DMD: variants seen among roughly 807,000 people sequenced by gnomAD.
DMD encodes the protein dystrophin.
In DMD, 63 loss-of-function variants were observed where a neutral mutation model predicts 330.1. That is an observed-to-expected ratio of 0.19 (90% CI 0.16 to 0.24). The LOEUF is 0.24. Among genes scored for constraint, DMD ranks in the 10% least tolerant of loss-of-function variants. The pLI is 1.00. For synonymous variants in DMD, 1,223 were observed against 959.8 expected (o/e 1.27, Z -5.07); for missense variants, 3,344 against 2,684.1 (o/e 1.25, Z -5.43).
rs190277617 is a variant in DMD at position 32,627,319 on chromosome X, G to A, written c.1332-12866C>T. Among the ~76,000 whole-genome samples, 145 of 103,264 alleles carry A rather than the reference G, an allele frequency of 1.4e-3. 21 individuals carry two copies. The highest frequency in any genetic ancestry group is 5.1e-3 in the African/African-American group (124 of 24,131). 89.7% of individuals were successfully genotyped at this position (103,264 alleles called of 115,157 possible). A position where few individuals can be genotyped will look rare whatever the true frequency, so the allele number is the denominator to read the frequency against. ...AAAGGATCAGGATGCACAAACATGC[G>A]TTTACTTATTTATAAATGACTTCCA... On this transcript the variant is annotated intron_variant, in intron 11 of 78. Transcript: ENST00000357033.
At chrX:33,129,330 T>TTTA (rs1309488624) in intron 1 of DMD, among the ~76,000 whole-genome samples, 1 of 73,054 alleles carries the variant, frequency 1.4e-5, no homozygotes, top group African/African-American at 5.1e-5. Flanking sequence ...GTTTGCTTTT[T>TTTA]TTTTTTTTTT....
At chrX:32,640,798 G>A (rs983404252) in intron 11 of DMD, among the ~76,000 whole-genome samples, 1 of 111,183 alleles carries the variant, frequency 9.0e-6, no homozygotes, top group African/African-American at 3.3e-5. Context: ...TTCCTGATAG[G>A]TTTTCTTGAC....
chrX:32,830,515 G>A (rs1023232620), intron 4 of DMD, among the ~76,000 whole-genome samples: 2 of 111,315 alleles, frequency 1.8e-5, no homozygotes, highest in South Asian at 3.7e-4. Flanking sequence ...CTCTATGGTT[G>A]GAAATTAAAT....
At position 33,187,646 on chromosome X, in the gene DMD, A is replaced by T. The variant is rs561251435; in HGVS notation, c.31+23636T>A. On this transcript the variant is annotated intron_variant, in intron 1 of 78. Transcript: ENST00000357033. ...TGGTATATGAGTGGGGCAAAAAATG[A>T]GGTAGGAAGGACAAATAAAGGACCA... 2.3e-4 allele frequency among the ~76,000 whole-genome samples: 26 copies of T among 112,096 alleles called. 1 individual carries two copies. The South Asian group carries it at 7.8e-3, about 34-fold the overall frequency.
chrX:31,794,773 AT>A (rs1239850309), intron 50 of DMD, among the ~76,000 whole-genome samples: 1 of 108,922 alleles, frequency 9.2e-6, no homozygotes, highest in African/African-American at 3.4e-5. Flanking sequence ...TGTTAAACCA[AT>A]TGTTTAAAAA....
chrX:32,627,630 G>T (rs1224936775), intron 11 of DMD, among the ~76,000 whole-genome samples: 1 of 110,634 alleles, frequency 9.0e-6, no homozygotes, highest in African/African-American at 3.3e-5. Flanking sequence ...TGGCTCCGGG[G>T]CCTGCTTCAC....
intron 44 of DMD, among the ~76,000 whole-genome samples, chrX:32,084,483 A>T (rs1269119108): frequency 9.0e-6 from 1 of 111,651 alleles, no homozygotes; most frequent in African/African-American, 3.3e-5. Flanking sequence ...TAATACATAC[A>T]AAGACTCAGG....
Position 33,010,128 on chromosome X carries a change from A to G in DMD, c.93+10011T>C, listed in dbSNP as rs145286884. The stretch of plus-strand genomic sequence containing the variant: ...TGCACATATGTGCACATGTGTGTAT[A>G]TATGTATATATACGTGTATATATAC... On this transcript the variant is annotated intron_variant, in intron 2 of 78. Coordinates refer to ENST00000357033, the MANE Select transcript of DMD (RefSeq NM_004006.3). 3.6e-3 allele frequency among the ~76,000 whole-genome samples: 365 copies of G among 101,994 alleles called. 4 individuals carry two copies. The highest frequency in any genetic ancestry group is 0.012 in the African/African-American group (347 of 27,822). 88.6% of individuals were successfully genotyped at this position (101,994 alleles called of 115,157 possible).
chrX:33,243,737 C>A (rs1475387750), intron 1 of DMD, among the ~76,000 whole-genome samples: 1 of 111,940 alleles, frequency 8.9e-6, no homozygotes, highest in Non-Finnish European at 1.9e-5. Flanking sequence ...TTTGCAACAA[C>A]ATGGATGGAA....
chrX:32,761,307 C>T (rs918817769), intron 7 of DMD, among the ~76,000 whole-genome samples: 3 of 110,570 alleles, frequency 2.7e-5, no homozygotes, highest in Non-Finnish European at 5.7e-5. Context: ...ATCGGTGATG[C>T]TCTTCACAGG....
At chrX:31,219,618 C>A (rs1423890539) in intron 64 of DMD, among the ~76,000 whole-genome samples, 1 of 110,480 alleles carries the variant, frequency 9.1e-6, no homozygotes, top group Non-Finnish European at 1.9e-5. Flanking sequence ...TATCTCTTCC[C>A]TCCCTTGGGC....
intron 16 of DMD, among the ~76,000 whole-genome samples, chrX:32,561,051 G>C (rs1365843078): frequency 8.9e-6 from 1 of 111,741 alleles, no homozygotes; most frequent in Non-Finnish European, 1.9e-5. Context: ...CCCACCAACA[G>C]TGTAAAAGCA....
intron 34 of DMD, among the ~76,000 whole-genome samples, chrX:32,376,873 G>A (rs1267085526): frequency 4.5e-5 from 5 of 110,949 alleles, no homozygotes; most frequent in Non-Finnish European, 9.4e-5. Context: ...TCTCAGCTTC[G>A]TAATGTAAGA....
intron 44 of DMD, among the ~76,000 whole-genome samples, chrX:32,098,591 A>G (rs766635348): frequency 3.6e-5 from 4 of 111,812 alleles, no homozygotes; most frequent in South Asian, 7.4e-4. Context: ...TACCCATGTA[A>G]TTTTAGCATT....
At chrX:32,209,082 T>C (rs188470195) in intron 44 of DMD, among the ~76,000 whole-genome samples, 29 of 111,692 alleles carry the variant, frequency 2.6e-4, no homozygotes, top group African/African-American at 9.1e-4. Context: ...CGTACCGAGG[T>C]ATATTGGTGA....
chrX:32,099,607 C>T (rs956001944), intron 44 of DMD, among the ~76,000 whole-genome samples: 3 of 108,613 alleles, frequency 2.8e-5, no homozygotes, highest in Non-Finnish European at 3.8e-5. Flanking sequence ...ATGGATGAAA[C>T]TGGAATACAT....
intron 9 of DMD, among the ~76,000 whole-genome samples, chrX:32,687,670 T>A: frequency 8.9e-6 from 1 of 111,739 alleles, no homozygotes; most frequent in African/African-American, 3.3e-5. Context: ...TCAAAATGAC[T>A]TCAGCTTCAT....
intron 43 of DMD, among the ~76,000 whole-genome samples, chrX:32,269,045 T>C (rs2148335729): frequency 9.1e-6 from 1 of 110,412 alleles, no homozygotes; most frequent in South Asian, 3.9e-4. Context: ...TAAAAACACC[T>C]GAAATTGGTG....
chrX:32,100,711 A>G (rs2096536057), intron 44 of DMD, among the ~76,000 whole-genome samples: 1 of 110,990 alleles, frequency 9.0e-6, no homozygotes, highest in Non-Finnish European at 1.9e-5. Flanking sequence ...GCATCCGTCA[A>G]AGGCTTAGCT....
Sources: gnomAD v4.1 joint callset for allele counts (sites outside exome capture counted in the v4.1 genomes callset) on GRCh38, gnomAD v4.1.1 for gene constraint, MANE v1.5 for transcripts, NCBI Gene and HGNC (gene_info 2026-07-23, HGNC 2026-07-21) for gene names.